The following POU6F2 variants were observed in gnomAD, a reference collection of about 807,000 sequenced individuals.
POU6F2 encodes the protein POU class 6 homeobox 2.
A neutral mutation model predicts 71.3 loss-of-function variants in POU6F2; 31 were observed. The observed-to-expected ratio is 0.43, with a 90% confidence interval of 0.33 to 0.59. The LOEUF (loss-of-function observed/expected upper bound fraction) is 0.59, where lower values mean the gene tolerates loss of function less well. Ranked by LOEUF, POU6F2 falls within the 20% of genes least tolerant of loss-of-function variation. The pLI, the probability that POU6F2 is intolerant of heterozygous loss-of-function variation, is 0.04. For missense variants in POU6F2, 783 were observed against 856.8 expected (o/e 0.91, Z 1.07); for synonymous variants, 347 against 355.7 (o/e 0.98, Z 0.27).
At chr7:39,216,122 G>C (rs1490686098) in intron 4 of POU6F2, among the ~76,000 whole-genome samples, 2 of 152,302 alleles carry the variant, frequency 1.3e-5, no homozygotes, top group Middle Eastern at 3.4e-3. Context: ...GCTGCTAGTG[G>C]TGTGGAGGAG....
chr7:39,253,809 AAC>A (rs1159247879), intron 4 of POU6F2, among the ~76,000 whole-genome samples: 1 of 152,220 alleles, frequency 6.6e-6, no homozygotes, highest in East Asian at 1.9e-4. Context: ...GAAGTTATTT[AAC>A]AGTTTGTTTC....
At chr7:39,268,694 G>A (rs1784293445) in intron 4 of POU6F2, among the ~76,000 whole-genome samples, 1 of 152,192 alleles carries the variant, frequency 6.6e-6, no homozygotes, top group South Asian at 2.1e-4. Flanking sequence ...ATCTTTCTAT[G>A]ATGATGTGAG....
chr7:39,327,210 T>C (rs940543437), intron 4 of POU6F2, among the ~76,000 whole-genome samples: 4 of 148,338 alleles, frequency 2.7e-5, no homozygotes, highest in Non-Finnish European at 4.5e-5. Flanking sequence ...ACCCAGGAGG[T>C]GGAGCTTGCA....
At chr7:39,434,620 T>C (rs1788188905) in intron 7 of POU6F2, among the ~76,000 whole-genome samples, 1 of 150,900 alleles carries the variant, frequency 6.6e-6, no homozygotes, top group Admixed American at 6.6e-5. Flanking sequence ...CTATGAGAGG[T>C]TTGTTTTTGG....
chr7:39,030,119 T>C (rs1386334695), intron 1 of POU6F2, among the ~76,000 whole-genome samples: 1 of 152,048 alleles, frequency 6.6e-6, no homozygotes, highest in African/African-American at 2.4e-5. Flanking sequence ...AAAGTTTCAC[T>C]TGTAGAATTA....
At chr7:39,248,240 T>C (rs1473172581) in intron 4 of POU6F2, among the ~76,000 whole-genome samples, 1 of 152,230 alleles carries the variant, frequency 6.6e-6, no homozygotes, top group Non-Finnish European at 1.5e-5. Flanking sequence ...CATTTCTGGC[T>C]AATGAGCTCA....
intron 1 of POU6F2, among the ~76,000 whole-genome samples, chr7:39,043,618 A>G (rs1230107097): frequency 6.6e-6 from 1 of 151,996 alleles, no homozygotes; most frequent in Non-Finnish European, 1.5e-5. Flanking sequence ...GTAATTGCAC[A>G]CCAACTGGAT....
intron 2 of POU6F2, among the ~76,000 whole-genome samples, chr7:39,120,592 A>G (rs1792021064): frequency 6.6e-6 from 1 of 152,224 alleles, no homozygotes; most frequent in African/African-American, 2.4e-5. Flanking sequence ...TCTTTGTATT[A>G]AACATGTTTC....
chr7:39,131,196 T>G (rs549441567), intron 2 of POU6F2, among the ~76,000 whole-genome samples: 4 of 152,122 alleles, frequency 2.6e-5, no homozygotes, highest in Non-Finnish European at 5.9e-5. Flanking sequence ...TTTTTCCCCT[T>G]CCCCTCCTGA....
At chr7:39,071,654 AACACACACACAC>A (rs10522287) in intron 1 of POU6F2, among the ~76,000 whole-genome samples, 1,890 of 142,128 alleles carry the variant, frequency 0.013, 39 homozygotes, top group African/African-American at 0.043. Flanking sequence ...TCTCTAAAGA[AACACACACACAC>A]ACACACACAC....
chr7:39,082,548 A>G (rs143708281), intron 1 of POU6F2, among the ~76,000 whole-genome samples: 1 of 152,244 alleles, frequency 6.6e-6, no homozygotes, highest in Non-Finnish European at 1.5e-5. Context: ...ACGTAGATGC[A>G]TGTTGGAAAA....
intron 7 of POU6F2, among the ~76,000 whole-genome samples, chr7:39,442,165 T>C (rs2237385): frequency 0.33 from 50,538 of 151,968 alleles, 9,337 homozygotes; most frequent in East Asian, 0.58. Flanking sequence ...TATTTATTGA[T>C]CACCTACCAT....
At chr7:39,188,846 C>T (rs1016329965) in intron 2 of POU6F2, among the ~76,000 whole-genome samples, 2 of 152,192 alleles carry the variant, frequency 1.3e-5, no homozygotes, top group South Asian at 4.1e-4. Flanking sequence ...CTAGACTGTG[C>T]TCCCTGAACT....
At chr7:39,195,551 C>T (rs554956394) in intron 2 of POU6F2, among the ~76,000 whole-genome samples, 8 of 151,988 alleles carry the variant, frequency 5.3e-5, no homozygotes, top group African/African-American at 1.7e-4. Flanking sequence ...GCCAAGCGTG[C>T]GGATTCATGT....
chr7:39,044,495 A>G (rs967934444), intron 1 of POU6F2, among the ~76,000 whole-genome samples: 1 of 151,982 alleles, frequency 6.6e-6, no homozygotes, highest in Non-Finnish European at 1.5e-5. Context: ...GAAGGAGCAG[A>G]TACTGTAGCA....
intron 6 of POU6F2, among the ~76,000 whole-genome samples, chr7:39,429,800 G>A (rs2116013010): frequency 6.6e-6 from 1 of 152,334 alleles, no homozygotes; most frequent in Non-Finnish European, 1.5e-5. Flanking sequence ...TCTCAAAGAA[G>A]AGATTCCCCT....
In POU6F2 at chr7:39,075,839, T is replaced by A. The variant is rs971997472; in HGVS notation, c.106-10021T>A. On this transcript the variant is annotated intron_variant, in intron 1 of 9. Transcript: ENST00000518318. ...TACTGCCTTTGCTTTGTTGGACTAA[T>A]CCCCGGACTAGCTTGGTAGTAGCTC... is the stretch of plus-strand genomic sequence containing the variant. Among the ~76,000 whole-genome samples, 6 of 152,218 alleles carry A rather than the reference T, an allele frequency of 3.9e-5. No homozygotes were observed. The East Asian group carries it at 1.2e-3, about 29-fold the overall frequency.
chr7:39,045,363 G>A (rs892318218), intron 1 of POU6F2, among the ~76,000 whole-genome samples: 1 of 151,848 alleles, frequency 6.6e-6, no homozygotes, highest in Non-Finnish European at 1.5e-5. Context: ...AGGTGTGAGG[G>A]GAGGGGTTTC....
At position 39,406,652 on chromosome 7, in the gene POU6F2, G is replaced by T; in HGVS notation, c.1025G>T (p.Ser342Ile). The T allele has an allele frequency of 6.2e-7, 1 of 1,613,732 alleles. No homozygotes were observed. Among genetic ancestry groups the T allele is most frequent in the Non-Finnish European group, 8.5e-7 (1 of 1,179,848 alleles). The change falls in exon 6 of 10, where the codon AGC becomes ATC. Residue 342 changes from serine (S) to isoleucine (I), a missense_variant. Ser to Ile is a moderately radical substitution (Grantham distance 142, BLOSUM62 -2). This residue lies in a region of POU6F2 where 572 missense variants were observed against 572.9 expected (regional missense o/e 1.00). Transcript: ENST00000518318. Reference protein sequence around the residue: ...SQAAAAAAAMSSIASSQAFGN... With the variant: ...SQAAAAAAAMISIASSQAFGN... ...GCTGCAGCGGCTGCAGCAGCCATGA[G>T]CTCCATAGCAAGCTCACAGGCCTTT...
Sources: allele counts gnomAD v4.1 joint callset (sites outside exome capture counted in the v4.1 genomes callset), GRCh38; gene constraint gnomAD v4.1.1; regional missense constraint gnomAD v4.1.1; transcripts MANE v1.5; gene names NCBI Gene and HGNC (gene_info 2026-07-23, HGNC 2026-07-21).